CCDC40: variants seen among roughly 807,000 people sequenced by gnomAD.
The protein encoded by CCDC40 is coiled-coil domain 40 molecular ruler complex subunit.
Under a neutral mutation model 124.5 loss-of-function variants are expected in CCDC40, and 104 were observed. That is an observed-to-expected ratio of 0.84 (90% CI 0.71 to 0.98). The LOEUF is 0.98. Ranked by LOEUF, CCDC40 falls within the 50% of genes least tolerant of loss-of-function variation. The pLI is 0.00. For synonymous variants in CCDC40, 580 were observed against 602.9 expected (o/e 0.96, Z 0.56); for missense variants, 1,463 against 1,503.9 (o/e 0.97, Z 0.45).
At chr17:80,063,969 T>C (rs922271746) in intron 9 of CCDC40, among the ~76,000 whole-genome samples, 1 of 152,252 alleles carries the variant, frequency 6.6e-6, no homozygotes, top group South Asian at 2.1e-4. Context: ...CCCAGAGATA[T>C]ACAGCTGTAA....
chr17:80,094,498 C>A (rs2038772376), intron 17 of CCDC40, among the ~76,000 whole-genome samples: 1 of 152,062 alleles, frequency 6.6e-6, no homozygotes, highest in Non-Finnish European at 1.5e-5. Flanking sequence ...GGATCGAGAC[C>A]ATCTTGGCCA....
chr17:80,079,649 C>T (rs1051007691), intron 10 of CCDC40, among the ~76,000 whole-genome samples: 6 of 151,950 alleles, frequency 3.9e-5, no homozygotes, highest in African/African-American at 9.7e-5. Flanking sequence ...TCACCAGGCA[C>T]GGTGGCTCAT....
At chr17:80,068,442 G>A (rs2038106153) in intron 10 of CCDC40, among the ~76,000 whole-genome samples, 3 of 152,298 alleles carry the variant, frequency 2.0e-5, no homozygotes, top group South Asian at 4.1e-4. Context: ...TTGGAGACAG[G>A]TTTAATAGAT....
At chr17:80,079,370 C>G (rs1189504604) in intron 10 of CCDC40, among the ~76,000 whole-genome samples, 1 of 152,078 alleles carries the variant, frequency 6.6e-6, no homozygotes, top group East Asian at 1.9e-4. Flanking sequence ...GTTTATCTCT[C>G]CACTTAAAAA....
chr17:80,090,817 G>T, intron 17 of CCDC40: 1 of 1,210,898 alleles, frequency 8.3e-7, no homozygotes. Flanking sequence ...ACCATGCCAT[G>T]CTAAATAGAA....
rs1355460147 is a variant in CCDC40 at position 80,067,933 on chromosome 17, A to G, written c.1562+2327A>G. ...GAGTGAATATTTTAGTGGACTATGT[A>G]CACGCACAAACACTTCACAACGAGT... is the stretch of plus-strand genomic sequence containing the variant. On this transcript the variant is annotated intron_variant, in intron 10 of 19. Coordinates refer to ENST00000397545, the MANE Select transcript of CCDC40 (RefSeq NM_017950.4). 11 of 1,219,194 alleles carry G rather than the reference A, an allele frequency of 9.0e-6. No individual in the cohort carries two copies. In the South Asian group the frequency reaches 1.8e-4, roughly 20 times the overall value. The allele number at this position is 1,219,194 out of a possible 1,614,324, so 75.5% of individuals were successfully genotyped here.
chr17:80,082,322 G>A (rs1399226154), intron 12 of CCDC40, among the ~76,000 whole-genome samples: 8 of 127,924 alleles, frequency 6.3e-5, no homozygotes, highest in Non-Finnish European at 9.9e-5. Context: ...TGACTTCGAC[G>A]TCCATGGCAG....
intron 10 of CCDC40, among the ~76,000 whole-genome samples, chr17:80,074,303 G>A (rs1463783576): frequency 1.3e-5 from 2 of 152,160 alleles, no homozygotes; most frequent in African/African-American, 2.4e-5. Context: ...GAGGTCAGGA[G>A]ATCAAGACCA....
intron 10 of CCDC40, among the ~76,000 whole-genome samples, chr17:80,078,498 C>T (rs951257978): frequency 1.3e-5 from 2 of 152,108 alleles, no homozygotes; most frequent in Admixed American, 1.3e-4. Context: ...TTTTGTGTGT[C>T]TCTCTCTAGT....
At chr17:80,069,141 C>T (rs184538448) in intron 10 of CCDC40, among the ~76,000 whole-genome samples, 43 of 152,248 alleles carry the variant, frequency 2.8e-4, no homozygotes, top group Middle Eastern at 3.4e-3. Context: ...TCCAGCCAAA[C>T]CTCACCCTTT....
At chr17:80,037,689 AG>A (rs778411501) in intron 1 of CCDC40, among the ~76,000 whole-genome samples, 32,536 of 95,088 alleles carry the variant, frequency 0.34, 5,097 homozygotes, top group Middle Eastern at 0.47. Context: ...TTTTTAAAAA[AG>A]ATATACATAT....
intron 10 of CCDC40, 135 bp from the exon 11 acceptor site, chr17:80,081,411 T>TAAATAAATAAATAAATA: frequency 1.5e-6 from 1 of 678,972 alleles, no homozygotes; most frequent in Non-Finnish European, 2.5e-6. Context: ...AATAAATAAA[T>TAAATAAATAAATAAATA]AAGAGTTGGC....
At chr17:80,076,746 GT>G (rs556537459) in intron 10 of CCDC40, among the ~76,000 whole-genome samples, 19 of 146,934 alleles carry the variant, frequency 1.3e-4, no homozygotes, top group African/African-American at 4.0e-4. Context: ...AATAAAGTTT[GT>G]TTTTTTTTTC....
At chr17:80,074,439 C>T (rs1257663944) in intron 10 of CCDC40, among the ~76,000 whole-genome samples, 2 of 152,244 alleles carry the variant, frequency 1.3e-5, no homozygotes, top group Middle Eastern at 3.4e-3. Context: ...GAGCCGAGAT[C>T]GCGCCACTGC....
At chr17:80,059,105 T>C in intron 9 of CCDC40, 125 bp downstream of exon 9, 3 of 1,238,134 alleles carry the variant, frequency 2.4e-6, no homozygotes, top group Admixed American at 1.8e-5. Flanking sequence ...CCAGCTTACA[T>C]CTGCAAACAT....
At chr17:80,098,043 G>T (rs1399791990) in intron 19 of CCDC40, 1 of 159,150 alleles carries the variant, frequency 6.3e-6, no homozygotes, top group African/African-American at 2.4e-5. Flanking sequence ...TGAACTGAGG[G>T]ATTGACATTT....
chr17:80,048,032 G>A (rs758039125), intron 4 of CCDC40, among the ~76,000 whole-genome samples: 3 of 152,240 alleles, frequency 2.0e-5, no homozygotes, highest in Non-Finnish European at 2.9e-5. Context: ...GCCAAGGCCG[G>A]TGGATCACCT....
intron 1 of CCDC40, among the ~76,000 whole-genome samples, chr17:80,037,719 A>ATATATATT (rs2037155202): frequency 7.0e-6 from 1 of 143,142 alleles, no homozygotes; most frequent in African/African-American, 2.6e-5. Flanking sequence ...ATATATATAT[A>ATATATATT]TTCCTGTGCT....
At chr17:80,077,012 A>G (rs893655666) in intron 10 of CCDC40, among the ~76,000 whole-genome samples, 1 of 152,114 alleles carries the variant, frequency 6.6e-6, no homozygotes, top group Non-Finnish European at 1.5e-5. Flanking sequence ...CTGGGATTAC[A>G]GGTGTGGACC....
Sources: allele counts gnomAD v4.1 joint callset (sites outside exome capture counted in the v4.1 genomes callset), GRCh38; gene constraint gnomAD v4.1.1; transcripts MANE v1.5; gene names NCBI Gene and HGNC (gene_info 2026-07-23, HGNC 2026-07-21).